EVX1: variants seen among roughly 807,000 people sequenced by gnomAD.
The protein encoded by EVX1 is even-skipped homeobox 1, also known as homeobox even-skipped homolog protein 1.
Under a neutral mutation model 28.6 loss-of-function variants are expected in EVX1, and 19 were observed. The observed-to-expected ratio is 0.67, with a 90% CI of 0.46 to 0.98. The LOEUF is 0.98. Ranked by LOEUF, EVX1 falls within the 50% of genes least tolerant of loss-of-function variation. The pLI, the probability that EVX1 is intolerant of heterozygous loss-of-function variation, is 0.00. For synonymous variants in EVX1, 324 were observed against 278.2 expected, an observed-to-expected ratio of 1.16 and a Z score of -1.64; for missense variants, 660 against 583.0, an observed-to-expected ratio of 1.13 and a Z score of -1.36.
In EVX1 at chr7:27,246,126, A is replaced by G. The variant is rs1395991231; in HGVS notation, c.925A>G (p.Thr309Ala). Residue 309 changes from threonine (T) to alanine (A), a missense_variant, in exon 3 of 3, where the codon ACG becomes GCG. Transcript: ENST00000496902. ...PFSGSLRPLD[T>A]FRVLSQPYPR... Reference sequence around the variant, plus strand: ...CAGCGGCTCGCTGCGCCCGCTCGACACGTTCCGCGTGCTGTCGCAGCCCTA... The same window carrying G: ...CAGCGGCTCGCTGCGCCCGCTCGACGCGTTCCGCGTGCTGTCGCAGCCCTA... 3.9e-6 allele frequency: 6 copies of G among 1,536,350 alleles called. No homozygotes were observed. Among genetic ancestry groups the G allele is most frequent in the African/African-American group, 1.4e-5 (1 of 70,836 alleles).
Position 27,246,766 on chromosome 7 carries a change from C to T in EVX1, c.*341C>T, listed in dbSNP as rs1005653680. Reference sequence around the variant, plus strand: ...CAGCAACAGCAACCAATATCCAGTCCCTCGGCCCCTCGGCCCCTCACCCTC... The same window carrying T: ...CAGCAACAGCAACCAATATCCAGTCTCTCGGCCCCTCGGCCCCTCACCCTC... On this transcript the variant is annotated 3_prime_UTR_variant, in exon 3 of 3. Transcript: ENST00000496902. The T allele has an allele frequency of 6.0e-6, 2 of 333,838 alleles. No homozygotes were observed. The highest frequency in any genetic ancestry group is 7.2e-5 in the South Asian group (2 of 27,758). The allele number at this position is 333,838 out of a possible 1,614,324, so 20.7% of individuals were successfully genotyped here.
At chr7:27,243,582 C>A in intron 1 of EVX1, 125 bp downstream of exon 1, 1 of 1,024,654 alleles carries the variant, frequency 9.8e-7, no homozygotes, top group Non-Finnish European at 1.4e-6. Context: ...ACCTGAGCAA[C>A]TCTCTCTGCT....
At position 27,243,217 on chromosome 7, in the gene EVX1, G is replaced by A. The variant is rs993150459; in HGVS notation, c.187G>A (p.Gly63Arg). The change falls in exon 1 of 3, where the codon GGA (glycine) becomes AGA (arginine). Residue 63 changes from glycine (G) to arginine (R), a missense_variant. Gly to Arg is a moderately radical substitution (Grantham distance 125). This residue lies in a region of EVX1 where 308 missense variants were observed against 256.6 expected (regional missense o/e 1.20). Coordinates refer to ENST00000496902, the MANE Select transcript of EVX1 (RefSeq NM_001989.5). ...VPPATRERGGGGPEEEPVDGL... is the reference protein window; with the variant it reads ...VPPATRERGGRGPEEEPVDGL... ...TCCGGCCACCCGGGAGCGCGGCGGGGGAGGCCCGGAGGAGGAGCCGGTAGA... is the reference window on the plus strand; with the variant it reads ...TCCGGCCACCCGGGAGCGCGGCGGGAGAGGCCCGGAGGAGGAGCCGGTAGA... 6 of 1,551,260 alleles carry A rather than the reference G, an allele frequency of 3.9e-6. No individual in the cohort carries two copies. Among genetic ancestry groups the A allele is most frequent in the Non-Finnish European group, 1.7e-6 (2 of 1,148,032 alleles).
Position 27,245,990 on chromosome 7 carries a change from G to C in EVX1, c.789G>C (p.Ala263=). Residue 263 remains alanine (A), a synonymous_variant, in exon 3 of 3, where the codon GCG becomes GCC. Transcript: ENST00000496902. ...TCTACACTTACATGATGAGCCATGC[G>C]GCGGCCGCGGGCGGCCTGCCCTACC... The part of the protein sequence containing the change: ...PAFYTYMMSH[A]AAAGGLPYPF... 1.2e-6 allele frequency: 2 copies of C among 1,602,002 alleles called. No individual in the cohort carries two copies. The highest frequency in any genetic ancestry group is 8.5e-7 in the Non-Finnish European group (1 of 1,179,650).
rs990629695 is a variant in EVX1, at chr7:27,246,122, C to T, written c.921C>T (p.Leu307=). 1 of 1,537,942 alleles carries T rather than the reference C, an allele frequency of 6.5e-7. No individual in the cohort carries two copies. Among genetic ancestry groups the T allele is most frequent in the African/African-American group, 1.4e-5 (1 of 71,036 alleles). ...ASPFSGSLRP[L]DTFRVLSQPY... is the part of the protein sequence containing the mutation. ...CCTTCAGCGGCTCGCTGCGCCCGCT[C>T]GACACGTTCCGCGTGCTGTCGCAGC... Residue 307 remains leucine, a synonymous_variant, in exon 3 of 3, where the codon CTC becomes CTT. Transcript: ENST00000496902.
intron 1 of EVX1, 110 bp downstream of exon 1, chr7:27,243,567 G>A: frequency 2.5e-6 from 3 of 1,212,428 alleles, no homozygotes; most frequent in Non-Finnish European, 2.2e-6. Context: ...TGGCTGGGGG[G>A]ACCCACCTGA....
intron 2 of EVX1, 133 bp downstream of exon 2, chr7:27,245,437 C>A: frequency 7.7e-7 from 1 of 1,305,502 alleles, no homozygotes; most frequent in Non-Finnish European, 1.1e-6. Flanking sequence ...GCAGATTGAC[C>A]CTCGTGACAG....
chr7:27,245,364 A>C, intron 2 of EVX1, 60 bp downstream of exon 2: 8 of 1,592,772 alleles, frequency 5.0e-6, no homozygotes, highest in Non-Finnish European at 1.7e-6. Context: ...AGTAAATGCC[A>C]ACTGCCAACT....
chr7:27,245,790 G>A (rs1015366309), intron 2 of EVX1, 96 bp from the exon 3 acceptor site: 1 of 1,483,644 alleles, frequency 6.7e-7, no homozygotes, highest in Non-Finnish European at 8.9e-7. Flanking sequence ...GGCTGTTCCT[G>A]CCCTGCGAAC....
chr7:27,242,822 G>A lies in EVX1; in HGVS notation c.-209G>A, dbSNP rs1055845155. The A allele has an allele frequency of 1.8e-6, 1 of 557,862 alleles. No homozygotes were observed. The highest frequency in any genetic ancestry group is 3.1e-6 in the Non-Finnish European group (1 of 323,688). 34.6% of individuals were successfully genotyped at this position (557,862 alleles called of 1,614,324 possible). A position where few individuals can be genotyped will look rare whatever the true frequency, so the allele number is the denominator to read the frequency against. On this transcript the variant is annotated 5_prime_UTR_variant, in exon 1 of 3. Coordinates refer to ENST00000496902, the MANE Select transcript of EVX1 (RefSeq NM_001989.5). ...CTCCCAGAGGCGGTGCGGCACAGAGGAGCGCTCGCTTCACAAGGTGACCCT... is the reference window on the plus strand; with the variant it reads ...CTCCCAGAGGCGGTGCGGCACAGAGAAGCGCTCGCTTCACAAGGTGACCCT...
chr7:27,246,410 GC>G lies in EVX1; in HGVS notation c.1213del (p.Leu405SerfsTer61). Reference sequence around the variant, plus strand: ...TCGCGCTGGACCAGAGGGAGGAGGTGCCCCTCACTAGATAAGGGGCCGCCGG... The same window carrying G: ...TCGCGCTGGACCAGAGGGAGGAGGTGCCCTCACTAGATAAGGGGCCGCCGG... ...SVALDQREEV[P>X]LTR On this transcript the variant is annotated frameshift_variant, in exon 3 of 3. Coordinates refer to ENST00000496902, the MANE Select transcript of EVX1 (RefSeq NM_001989.5). LOFTEE classifies it high-confidence loss of function. 1 of 1,598,324 alleles carries G rather than the reference GC, an allele frequency of 6.3e-7. No homozygotes were observed.
Position 27,246,414 on chromosome 7 carries a change from C to A in EVX1, c.1213C>A (p.Leu405Ile), listed in dbSNP as rs1023548815. 1 of 1,597,998 alleles carries A rather than the reference C, an allele frequency of 6.3e-7. No homozygotes were observed. Among genetic ancestry groups the A allele is most frequent in the African/African-American group, 1.3e-5 (1 of 74,232 alleles). ...VALDQREEVP[L>I]TR ...GCTGGACCAGAGGGAGGAGGTGCCC[C>A]TCACTAGATAAGGGGCCGCCGGCTG... Residue 405 changes from leucine (L) to isoleucine (I), a missense_variant, in exon 3 of 3, where the codon CTC (leucine) becomes ATC (isoleucine). By Grantham distance (5) the Leu-to-Ile change is conservative. Transcript: ENST00000496902.
intron 1 of EVX1, 128 bp from the exon 2 acceptor site, chr7:27,244,918 AAC>A (rs1783129267): frequency 2.1e-6 from 3 of 1,395,586 alleles, no homozygotes; most frequent in South Asian, 2.8e-5. Flanking sequence ...CCCTAGCAGA[AAC>A]AGTTACTGAG....
rs1783227422 is a variant in EVX1, at chr7:27,247,532, A to T, written c.*1107A>T. ...CTTCCCAAGCTACCACTGGAGCTTG[A>T]CTTTCAGATACCAGTGGGAGCCTTC... On this transcript the variant is annotated 3_prime_UTR_variant, in exon 3 of 3. Coordinates refer to ENST00000496902, the MANE Select transcript of EVX1 (RefSeq NM_001989.5). 1 of 152,174 alleles carries T rather than the reference A, an allele frequency of 6.6e-6. No individual in the cohort carries two copies. The highest frequency in any genetic ancestry group is 2.4e-5 in the African/African-American group (1 of 41,434). The allele number at this position is 152,174 out of a possible 1,614,324, so 9.4% of individuals were successfully genotyped here.
rs959917166 is a variant in EVX1, at chr7:27,245,363, C to A, written c.684+59C>A. ...CACCTATTTAGCGGGAAGTAAATGC[C>A]AACTGCCAACTCCCTGAAACGCAGG... is the stretch of plus-strand genomic sequence containing the variant. On this transcript the variant is annotated intron_variant, in intron 2 of 2. Coordinates refer to ENST00000496902, the MANE Select transcript of EVX1 (RefSeq NM_001989.5). 5 of 1,592,052 alleles carry A rather than the reference C, an allele frequency of 3.1e-6. No homozygotes were observed. The African/African-American group carries it at 4.0e-5, about 13-fold the overall frequency.
Position 27,243,277 on chromosome 7 carries a change from G to A in EVX1, c.247G>A (p.Glu83Lys), listed in dbSNP as rs1240421820. The A allele has an allele frequency of 6.5e-7, 1 of 1,543,586 alleles. No homozygotes were observed. Among genetic ancestry groups the A allele is most frequent in the Non-Finnish European group, 8.7e-7 (1 of 1,145,322 alleles). The change falls in exon 1 of 3, where the codon GAG becomes AAG. Residue 83 changes from glutamate to lysine, a missense_variant. This residue lies in a region of EVX1 where 308 missense variants were observed against 256.6 expected (regional missense o/e 1.20). Coordinates refer to ENST00000496902, the MANE Select transcript of EVX1 (RefSeq NM_001989.5). Reference protein sequence around the residue: ...LAGSAAGPGAEPQVAGAAMLG... With the variant: ...LAGSAAGPGAKPQVAGAAMLG... ...AGGCAGCGCGGCGGGGCCGGGCGCC[G>A]AGCCCCAGGTAGCTGGGGCGGCCAT...
chr7:27,245,594 ATTG>A (rs1783150183), intron 2 of EVX1, among the ~76,000 whole-genome samples: 1 of 152,076 alleles, frequency 6.6e-6, no homozygotes, highest in African/African-American at 2.4e-5. Context: ...CCGCAGACCA[ATTG>A]AGTCCATGTC....
At position 27,242,869 on chromosome 7, in the gene EVX1, G is replaced by A; in HGVS notation, c.-162G>A. On this transcript the variant is annotated 5_prime_UTR_variant, in exon 1 of 3. Transcript: ENST00000496902. ...CCCTAGCTCCCACCGCCACCGCCGC[G>A]GTCGCGGTCCAGACCGCGCTCCAGC... The A allele has an allele frequency of 1.4e-6, 1 of 710,948 alleles. No individual in the cohort carries two copies. Among genetic ancestry groups the A allele is most frequent in the East Asian group, 3.0e-5 (1 of 33,752 alleles). 44.0% of individuals were successfully genotyped at this position (710,948 alleles called of 1,614,324 possible). A position where few individuals can be genotyped will look rare whatever the true frequency, so the allele number is the denominator to read the frequency against.
At position 27,243,385 on chromosome 7, in the gene EVX1, T is replaced by G; in HGVS notation, c.355T>G (p.Phe119Val). The G allele has an allele frequency of 1.2e-6, 2 of 1,612,126 alleles. No individual in the cohort carries two copies. The highest frequency in any genetic ancestry group is 1.7e-6 in the Non-Finnish European group (2 of 1,179,746). Reference protein sequence around the residue: ...QPSSSDTESDFYEEIEVSCTP... With the variant: ...QPSSSDTESDVYEEIEVSCTP... ...CAGTAGCTCGGACACCGAGTCGGAT[T>G]TCTATGAAGAAATCGAGGTGAGCTG... The change falls in exon 1 of 3, where the codon TTC (phenylalanine) becomes GTC (valine). Residue 119 changes from phenylalanine (F) to valine (V), a missense_variant. By Grantham distance (50) the Phe-to-Val change is conservative. Around this residue, in one of 3 missense-constraint regions of EVX1, gnomAD observed 308 missense variants for 256.6 expected, o/e 1.20. Transcript: ENST00000496902.
Sources: gnomAD v4.1 joint callset for allele counts (sites outside exome capture counted in the v4.1 genomes callset) on GRCh38, gnomAD v4.1.1 for gene constraint, gnomAD v4.1.1 regional missense constraint, MANE v1.5 for transcripts, NCBI Gene and HGNC (gene_info 2026-07-23, HGNC 2026-07-21) for gene names.